PPP1R1C: variants seen among roughly 807,000 people sequenced by gnomAD.
The protein encoded by PPP1R1C is protein phosphatase 1 regulatory inhibitor subunit 1C, also known as protein phosphatase 1 regulatory subunit 1C.
In PPP1R1C, 15 loss-of-function variants were observed where a neutral mutation model predicts 17.4. That is an observed-to-expected ratio of 0.86 (90% CI 0.58 to 1.33). PPP1R1C has a LOEUF of 1.33. Ranked by LOEUF, PPP1R1C falls within the 40% of genes most tolerant of loss-of-function variation. The pLI is 0.00. For missense variants in PPP1R1C, 143 were observed against 130.0 expected, an observed-to-expected ratio of 1.10 and a Z score of -0.48; for synonymous variants, 35 against 43.1, an observed-to-expected ratio of 0.81 and a Z score of 0.73.
At chr2:182,067,342 A>ATTTT (rs909350715) in intron 4 of PPP1R1C, among the ~76,000 whole-genome samples, 2 of 150,364 alleles carry the variant, frequency 1.3e-5, no homozygotes, top group East Asian at 3.9e-4. Context: ...TATGATCTTG[A>ATTTT]TTTTTTTTTC....
intron 2 of PPP1R1C, among the ~76,000 whole-genome samples, chr2:182,057,982 A>G (rs1687738702): frequency 6.6e-6 from 1 of 152,138 alleles, no homozygotes; most frequent in South Asian, 2.1e-4. Context: ...CGAAGGGCAC[A>G]TTGAGTCCCA....
intron 4 of PPP1R1C, among the ~76,000 whole-genome samples, chr2:182,089,665 T>G (rs1688726498): frequency 6.6e-6 from 1 of 152,134 alleles, no homozygotes; most frequent in South Asian, 2.1e-4. Flanking sequence ...AGGTATTATT[T>G]AAAACAACGA....
chr2:181,984,341 A>C (rs1685249276), upstream of PPP1R1C, among the ~76,000 whole-genome samples: 1 of 152,184 alleles, frequency 6.6e-6, no homozygotes, highest in Non-Finnish European at 1.5e-5. Flanking sequence ...ACATTATGTG[A>C]AGTTTTGTAT....
At position 181,972,134 on chromosome 2, in the gene PPP1R1C, T is replaced by C. The variant is rs1039444369; in HGVS notation, n.112-3085T>C. On this transcript the variant is annotated intron_variant and non_coding_transcript_variant, in intron 1 of 5. Transcript: ENST00000464264. ...AGGGGACAATTGGTAGAGACTTTTATTTGGCTATCATTCTCTGTCTCCTCT... is the reference window on the plus strand; with the variant it reads ...AGGGGACAATTGGTAGAGACTTTTACTTGGCTATCATTCTCTGTCTCCTCT... Among the ~76,000 whole-genome samples, 46 of 152,258 alleles carry C rather than the reference T, an allele frequency of 3.0e-4. 1 individual carries two copies. The highest frequency in any genetic ancestry group is 1.1e-3 in the African/African-American group (45 of 41,470).
intron 2 of PPP1R1C, among the ~76,000 whole-genome samples, chr2:182,046,805 T>G (rs1170523892): frequency 6.6e-6 from 1 of 151,968 alleles, no homozygotes; most frequent in African/African-American, 2.4e-5. Context: ...TGGCAAGTAA[T>G]TAAATGTACA....
At chr2:182,122,682 T>C (rs1039126002), downstream of PPP1R1C, among the ~76,000 whole-genome samples, 1 of 152,042 alleles carries the variant, frequency 6.6e-6, no homozygotes. Flanking sequence ...ATGTGTGAGA[T>C]TTACTTTTAA....
At chr2:182,016,799 C>G (rs1287270325) in intron 2 of PPP1R1C, among the ~76,000 whole-genome samples, 1 of 152,142 alleles carries the variant, frequency 6.6e-6, no homozygotes, top group Non-Finnish European at 1.5e-5. Flanking sequence ...AACTGTGAGT[C>G]TGAGTTCCTG....
chr2:181,982,121 C>T (rs543122464), upstream of PPP1R1C, among the ~76,000 whole-genome samples: 1 of 152,228 alleles, frequency 6.6e-6, no homozygotes, highest in East Asian at 1.9e-4. Flanking sequence ...TTGCTTTTCC[C>T]TCTCCACCCC....
intron 4 of PPP1R1C, among the ~76,000 whole-genome samples, chr2:182,097,253 C>T (rs533457439): frequency 3.0e-4 from 45 of 152,254 alleles, no homozygotes; most frequent in African/African-American, 9.9e-4. Flanking sequence ...AACTAGTCCT[C>T]GAGTGGTAGT....
chr2:182,128,788 C>A (rs1371684955), intron 5 of PPP1R1C, among the ~76,000 whole-genome samples: 1 of 151,994 alleles, frequency 6.6e-6, no homozygotes, highest in Non-Finnish European at 1.5e-5. Flanking sequence ...TTTAGAAGTT[C>A]TTCCAGGAAA....
intron 2 of PPP1R1C, among the ~76,000 whole-genome samples, chr2:182,022,097 T>G (rs540406002): frequency 1.6e-4 from 25 of 152,166 alleles, no homozygotes; most frequent in African/African-American, 5.8e-4. Context: ...AATGTCAAAC[T>G]GAATTAGTAC....
chr2:182,022,914 G>A (rs1311558482), intron 2 of PPP1R1C, among the ~76,000 whole-genome samples: 1 of 152,172 alleles, frequency 6.6e-6, no homozygotes, highest in Non-Finnish European at 1.5e-5. Flanking sequence ...TTAGACATAT[G>A]CTTAGGTTAT....
At position 182,117,476 on chromosome 2, in the gene PPP1R1C, T is replaced by C; in HGVS notation, c.*181T>C. On this transcript the variant is annotated 3_prime_UTR_variant, in exon 5 of 5. Coordinates refer to ENST00000682840, the MANE Select transcript of PPP1R1C (RefSeq NM_001080545.3). ...ACTGAACTTTAGAACTAAGTACACA[T>C]TGTTCCACATCACTTATAATTAAAG... The C allele has an allele frequency of 2.0e-6, 1 of 506,686 alleles. No individual in the cohort carries two copies. The highest frequency in any genetic ancestry group is 3.5e-6 in the Non-Finnish European group (1 of 282,572). The allele number at this position is 506,686 out of a possible 1,614,324, so 31.4% of individuals were successfully genotyped here. A position where few individuals can be genotyped will look rare whatever the true frequency, so the allele number is the denominator to read the frequency against.
chr2:182,129,899 A>G (rs995445270), exon 6 of PPP1R1C: 6 of 152,180 alleles, frequency 3.9e-5, no homozygotes, highest in African/African-American at 1.4e-4. Flanking sequence ...CTAAGCTGGG[A>G]AGAAAACCCT....
rs548887585 is a variant in PPP1R1C at position 181,961,629 on chromosome 2, C to A, written n.111+6995C>A. 8.3e-5 allele frequency: 62 copies of A among 743,464 alleles called. 1 individual carries two copies. Among genetic ancestry groups the A allele is most frequent in the South Asian group, 8.2e-4 (58 of 70,436 alleles). 46.1% of individuals were successfully genotyped at this position (743,464 alleles called of 1,614,324 possible). On this transcript the variant is annotated intron_variant and non_coding_transcript_variant, in intron 1 of 5. Transcript: ENST00000464264. The surrounding 1 kb of genome is among the most constrained non-coding windows in gnomAD (Gnocchi z 5.8). ...CAGCATCTCCAACCTTGGTGGACTGCGTAGTGACCACTGTGGTGCTCTTCT... is the reference window on the plus strand; with the variant it reads ...CAGCATCTCCAACCTTGGTGGACTGAGTAGTGACCACTGTGGTGCTCTTCT...
At chr2:181,969,207 A>C (rs941706132) in intron 1 of PPP1R1C, among the ~76,000 whole-genome samples, 5 of 152,278 alleles carry the variant, frequency 3.3e-5, no homozygotes, top group Admixed American at 1.3e-4. Context: ...TTATACCTTC[A>C]GATAATTTCT....
chr2:182,124,339 G>GTTTTTTTTTTT (rs1378403544), intron 5 of PPP1R1C, among the ~76,000 whole-genome samples: 15 of 52,136 alleles, frequency 2.9e-4, no homozygotes, highest in East Asian at 5.5e-4. Flanking sequence ...TTTTTTTTTT[G>GTTTTTTTTTTT]TTTTTTTTTT....
chr2:181,999,287 T>C (rs763780513), intron 2 of PPP1R1C, among the ~76,000 whole-genome samples: 5 of 152,194 alleles, frequency 3.3e-5, no homozygotes, highest in Non-Finnish European at 5.9e-5. Context: ...GTTACAGAAA[T>C]GTATCTTACT....
At chr2:182,119,718 C>T (rs1263245804), downstream of PPP1R1C, among the ~76,000 whole-genome samples, 1 of 152,132 alleles carries the variant, frequency 6.6e-6, no homozygotes, top group Non-Finnish European at 1.5e-5. Flanking sequence ...TGAGAAGTGT[C>T]TGTTCATATC....
Sources: allele counts gnomAD v4.1 joint callset (sites outside exome capture counted in the v4.1 genomes callset), GRCh38; gene constraint gnomAD v4.1.1; non-coding constraint Gnocchi (gnomAD v3.1); transcripts MANE v1.5; gene names NCBI Gene and HGNC (gene_info 2026-07-23, HGNC 2026-07-21).